PBRM1: variants seen among roughly 807,000 people sequenced by gnomAD.
The protein encoded by PBRM1 is polybromo 1, also known as protein polybromo-1.
A neutral mutation model predicts 194.5 loss-of-function variants in PBRM1; 27 were observed. The observed-to-expected ratio is 0.14, with a 90% confidence interval of 0.10 to 0.19. PBRM1 has a LOEUF of 0.19. Among genes scored for constraint, PBRM1 ranks in the 10% least tolerant of loss-of-function variants. The pLI is 1.00. For missense variants in PBRM1, 1,466 were observed against 2,077.2 expected (o/e 0.71, Z 5.72); for synonymous variants, 655 against 693.2 (o/e 0.94, Z 0.87).
exon 2 of PBRM1, chr3:52,678,514 C>T (rs752919503): frequency 6.2e-7 from 1 of 1,611,386 alleles, no homozygotes; most frequent in Admixed American, 1.7e-5. Flanking sequence ...GCTTTGGTGC[C>T]CTAATGAAGA....
rs753165410 is a variant in PBRM1 at position 52,634,585 on chromosome 3, T to A, written c.1301+17A>T. 1 of 1,450,420 alleles carries A rather than the reference T, an allele frequency of 6.9e-7. No homozygotes were observed. The highest frequency in any genetic ancestry group is 9.7e-7 in the Non-Finnish European group (1 of 1,032,192). The allele number at this position is 1,450,420 out of a possible 1,614,324, so 89.8% of individuals were successfully genotyped here. On this transcript the variant is annotated intron_variant, in intron 11 of 29. Transcript: ENST00000296302. ...AACAAAATAAAATTATACTGAATAA[T>A]GTAGAAGACATCTTACCGGATCTGT...
Position 52,609,098 on chromosome 3 carries a change from C to T in PBRM1, c.2567+215G>A. 1 of 451,158 alleles carries T rather than the reference C, an allele frequency of 2.2e-6. No homozygotes were observed. Among genetic ancestry groups the T allele is most frequent in the East Asian group, 3.5e-5 (1 of 28,902 alleles). The allele number at this position is 451,158 out of a possible 1,614,324, so 27.9% of individuals were successfully genotyped here. On this transcript the variant is annotated intron_variant, in intron 16 of 29. Coordinates refer to ENST00000296302, the Ensembl canonical transcript of PBRM1. This position sits in a 1 kb window ranked among gnomAD's most constrained non-coding sequence, Gnocchi z 4.1. ...ATTTTCAATTTTGTCTTCCTCCTCACTGGCCTTAAACTAGATGACTTAGTG... is the reference window on the plus strand; with the variant it reads ...ATTTTCAATTTTGTCTTCCTCCTCATTGGCCTTAAACTAGATGACTTAGTG...
rs939889463 is a variant in PBRM1 at position 52,627,449 on chromosome 3, A to G, written c.1444-79T>C. On this transcript the variant is annotated intron_variant, in intron 12 of 29. Transcript: ENST00000296302. ...ATATATGAATGTTAAAGAGCTAGAC[A>G]TATCAGATTCACTCAGAAAAATACA... 1.9e-5 allele frequency: 15 copies of G among 792,004 alleles called. No homozygotes were observed. In the South Asian group the frequency reaches 2.2e-4, roughly 11 times the overall value. 49.1% of individuals were successfully genotyped at this position (792,004 alleles called of 1,614,324 possible). A position where few individuals can be genotyped will look rare whatever the true frequency, so the allele number is the denominator to read the frequency against.
At chr3:52,626,061 T>C (rs1488309568) in intron 13 of PBRM1, among the ~76,000 whole-genome samples, 1 of 152,256 alleles carries the variant, frequency 6.6e-6, no homozygotes, top group East Asian at 1.9e-4. Context: ...CATTACCTTC[T>C]TTTGCCTGAT....
At chr3:52,644,780 A>C in exon 8 of PBRM1, 1 of 1,440,262 alleles carries the variant, frequency 6.9e-7, no homozygotes, top group Non-Finnish European at 9.7e-7. Context: ...TTTTTAATTG[A>C]ATTTGCATCC....
At chr3:52,657,094 A>G (rs1385122799) in intron 5 of PBRM1, among the ~76,000 whole-genome samples, 1 of 152,258 alleles carries the variant, frequency 6.6e-6, no homozygotes. Context: ...TACCTAGAAT[A>G]GTCAAATTCA....
intron 3 of PBRM1, among the ~76,000 whole-genome samples, chr3:52,664,401 T>C (rs12488461): frequency 0.35 from 46,417 of 133,652 alleles, 8,582 homozygotes; most frequent in Admixed American, 0.45. Context: ...ACCAAGAAAA[T>C]TGAAAGAACT....
At position 52,644,683 on chromosome 3, in the gene PBRM1, TAG is replaced by T; in HGVS notation, c.899+19_899+20del. On this transcript the variant is annotated intron_variant, in intron 8 of 29. Coordinates refer to ENST00000296302, the Ensembl canonical transcript of PBRM1. ...CAGGCATGAGCCACCACGCCCAGCCTAGACATTTTCTTAAACCTACCTCATTC... is the reference window on the plus strand; with the variant it reads ...CAGGCATGAGCCACCACGCCCAGCCTACATTTTCTTAAACCTACCTCATTC... The T allele has an allele frequency of 7.8e-7, 1 of 1,276,020 alleles. No individual in the cohort carries two copies. The highest frequency in any genetic ancestry group is 1.8e-5 in the Admixed American group (1 of 56,156). 79.0% of individuals were successfully genotyped at this position (1,276,020 alleles called of 1,614,324 possible). A position where few individuals can be genotyped will look rare whatever the true frequency, so the allele number is the denominator to read the frequency against.
intron 26 of PBRM1, 128 bp downstream of exon 28, chr3:52,558,121 T>C (rs2082607409): frequency 1.5e-6 from 1 of 664,592 alleles, no homozygotes; most frequent in East Asian, 2.9e-5. Context: ...TAGGACAACA[T>C]GGATGACTTC....
intron 11 of PBRM1, among the ~76,000 whole-genome samples, chr3:52,633,208 C>T (rs1177982178): frequency 1.3e-5 from 2 of 151,394 alleles, no homozygotes; most frequent in African/African-American, 4.9e-5. Flanking sequence ...TTTTAATGTT[C>T]TGGATCAGCG....
chr3:52,646,421 T>C (rs961846653), intron 7 of PBRM1, among the ~76,000 whole-genome samples: 4 of 152,182 alleles, frequency 2.6e-5, no homozygotes, highest in Non-Finnish European at 4.4e-5. Context: ...AATGAAACAG[T>C]CATTTTACAT....
intron 2 of PBRM1, among the ~76,000 whole-genome samples, chr3:52,672,444 T>C (rs904404448): frequency 6.6e-6 from 1 of 151,776 alleles, no homozygotes; most frequent in Non-Finnish European, 1.5e-5. Flanking sequence ...CACACTCATA[T>C]ACGTTTTCAG....
intron 2 of PBRM1, among the ~76,000 whole-genome samples, chr3:52,676,137 A>G (rs1216107125): frequency 3.3e-5 from 4 of 122,564 alleles, no homozygotes; most frequent in African/African-American, 1.2e-4. Context: ...AAAAAAAAAA[A>G]AAAAAAAAAA....
chr3:52,658,337 T>C (rs771942308), intron 4 of PBRM1, 22 bp from the exon 6 acceptor site: 15 of 1,293,024 alleles, frequency 1.2e-5, no homozygotes, highest in South Asian at 9.5e-5. Context: ...GAGAAAAAAG[T>C]ACTTTCTAAG....
At chr3:52,634,018 C>T (rs1476973680) in intron 11 of PBRM1, among the ~76,000 whole-genome samples, 1 of 152,302 alleles carries the variant, frequency 6.6e-6, no homozygotes, top group East Asian at 1.9e-4. Flanking sequence ...TCTCCAGGAA[C>T]TGACTATGCT....
At chr3:52,576,279 C>T (rs542315004) in intron 22 of PBRM1, among the ~76,000 whole-genome samples, 23 of 152,144 alleles carry the variant, frequency 1.5e-4, no homozygotes, top group African/African-American at 5.3e-4. Flanking sequence ...TAGCTCAGTG[C>T]GGTGGTGCAT....
chr3:52,629,996 A>G (rs1033791615), intron 11 of PBRM1, among the ~76,000 whole-genome samples: 3 of 152,188 alleles, frequency 2.0e-5, no homozygotes, highest in African/African-American at 7.2e-5. Flanking sequence ...GCAAACAACA[A>G]CTAAGCACAA....
exon 18 of PBRM1, chr3:52,589,205 G>A (rs777583945): frequency 7.6e-6 from 12 of 1,588,932 alleles, no homozygotes; most frequent in South Asian, 1.1e-5. Flanking sequence ...TATGTGCGAT[G>A]TAAGCCTGAG....
chr3:52,546,163 A>AT (rs1350106286), downstream of PBRM1: 1 of 232,342 alleles, frequency 4.3e-6, no homozygotes, highest in Admixed American at 5.6e-5. Flanking sequence ...AAGAAGTCTC[A>AT]TCCAGACCTT....
Sources: allele counts gnomAD v4.1 joint callset (sites outside exome capture counted in the v4.1 genomes callset), GRCh38; gene constraint gnomAD v4.1.1; non-coding constraint Gnocchi (gnomAD v3.1); transcripts MANE v1.5; gene names NCBI Gene and HGNC (gene_info 2026-07-23, HGNC 2026-07-21).